The following CERS6 variants were observed in gnomAD, a reference collection of about 807,000 sequenced individuals.
The protein encoded by CERS6 is LAG1 homolog, ceramide synthase 6.
Under a neutral mutation model 56.8 loss-of-function variants are expected in CERS6, and 26 were observed. That is an observed-to-expected ratio of 0.46 (90% CI 0.34 to 0.63). The LOEUF is 0.63. Ranked by LOEUF, CERS6 falls within the 30% of genes least tolerant of loss-of-function variation. CERS6 has a pLI of 0.01. For missense variants in CERS6, 415 were observed against 467.5 expected (o/e 0.89, Z 1.04); for synonymous variants, 164 against 173.3 (o/e 0.95, Z 0.42).
At position 168,707,784 on chromosome 2, in the gene CERS6, T is replaced by C. The variant is rs546822021; in HGVS notation, c.610-7217T>C. ...CTGTAAATCACCCCAAATATACTTT[T>C]ATTATTTAGCCATTGTCTTAAGACC... is the stretch of plus-strand genomic sequence containing the variant. On this transcript the variant is annotated intron_variant, in intron 6 of 9. Coordinates refer to ENST00000305747, the MANE Select transcript of CERS6 (RefSeq NM_203463.3). 2.5e-3 allele frequency among the ~76,000 whole-genome samples: 381 copies of C among 152,282 alleles called. 1 individual carries two copies. The highest frequency in any genetic ancestry group is 8.6e-3 in the African/African-American group (357 of 41,562).
At chr2:168,606,985 T>C (rs537778038) in intron 3 of CERS6, among the ~76,000 whole-genome samples, 35 of 152,354 alleles carry the variant, frequency 2.3e-4, no homozygotes, top group Non-Finnish European at 1.5e-5. Flanking sequence ...AAGCAGATGC[T>C]GCTGTGGTTC....
chr2:168,699,417 G>C (rs1054146468), intron 6 of CERS6, among the ~76,000 whole-genome samples: 3 of 152,146 alleles, frequency 2.0e-5, no homozygotes, highest in Non-Finnish European at 4.4e-5. Flanking sequence ...AAATAACAAT[G>C]AGTGTCAATG....
chr2:168,706,484 G>GT (rs57658109), intron 6 of CERS6, among the ~76,000 whole-genome samples: 1,873 of 152,280 alleles, frequency 0.012, 29 homozygotes, highest in African/African-American at 0.042. Context: ...AAGCCATAAA[G>GT]TAATGGCACA....
At chr2:168,510,460 T>TCCTA (rs1380792264) in intron 1 of CERS6, among the ~76,000 whole-genome samples, 6 of 152,204 alleles carry the variant, frequency 3.9e-5, no homozygotes, top group Non-Finnish European at 7.3e-5. Flanking sequence ...CAGATTTGTG[T>TCCTA]CCTAGGAGTA....
intron 8 of CERS6, among the ~76,000 whole-genome samples, chr2:168,738,835 G>A (rs1320516265): frequency 1.3e-5 from 2 of 152,140 alleles, no homozygotes; most frequent in African/African-American, 4.8e-5. Context: ...CAGACAGCCA[G>A]AAGTGGTAAA....
At chr2:168,597,918 A>G (rs1357684438) in intron 3 of CERS6, among the ~76,000 whole-genome samples, 1 of 152,146 alleles carries the variant, frequency 6.6e-6, no homozygotes, top group Non-Finnish European at 1.5e-5. Flanking sequence ...GAATCCATGT[A>G]AGAAGTTATT....
At chr2:168,685,114 C>A (rs911157985) in intron 4 of CERS6, among the ~76,000 whole-genome samples, 5 of 152,150 alleles carry the variant, frequency 3.3e-5, no homozygotes, top group African/African-American at 1.2e-4. Flanking sequence ...CTCCTAGTTG[C>A]ATCAGCTGGG....
chr2:168,763,561 C>T (rs1014260156), intron 8 of CERS6, among the ~76,000 whole-genome samples: 93 of 152,254 alleles, frequency 6.1e-4, no homozygotes, highest in African/African-American at 2.2e-3. Context: ...CGTGCCTGGC[C>T]TGTTTTTTTC....
At chr2:168,513,923 C>T (rs1330121929) in intron 1 of CERS6, among the ~76,000 whole-genome samples, 1 of 152,124 alleles carries the variant, frequency 6.6e-6, no homozygotes, top group Non-Finnish European at 1.5e-5. Flanking sequence ...CTCAGCTTTG[C>T]CTTCTCTTCG....
At chr2:168,663,675 T>A (rs936632869) in intron 4 of CERS6, among the ~76,000 whole-genome samples, 2 of 152,208 alleles carry the variant, frequency 1.3e-5, no homozygotes, top group African/African-American at 4.8e-5. Flanking sequence ...TTTCACTTAT[T>A]ATATGGTATT....
chr2:168,614,867 A>G (rs547613535), intron 3 of CERS6, among the ~76,000 whole-genome samples: 1 of 152,112 alleles, frequency 6.6e-6, no homozygotes, highest in South Asian at 2.1e-4. Context: ...CTATATTACC[A>G]CAGCTGATGC....
chr2:168,591,791 A>G (rs1482942039), intron 3 of CERS6, among the ~76,000 whole-genome samples: 1 of 152,238 alleles, frequency 6.6e-6, no homozygotes, highest in East Asian at 1.9e-4. Context: ...TCTGAGGAGT[A>G]TAATTCAAAA....
At chr2:168,502,571 A>G (rs547983468) in intron 1 of CERS6, among the ~76,000 whole-genome samples, 12 of 152,298 alleles carry the variant, frequency 7.9e-5, no homozygotes, top group African/African-American at 2.9e-4. Context: ...AGGAGTCTGA[A>G]AGGCATCCAA....
chr2:168,531,403 T>C (rs776854599), intron 1 of CERS6, among the ~76,000 whole-genome samples: 4 of 152,198 alleles, frequency 2.6e-5, no homozygotes, highest in Non-Finnish European at 5.9e-5. Context: ...TTGAATGCTC[T>C]CTCTAGAGAA....
At chr2:168,537,222 C>G (rs1695280208) in intron 1 of CERS6, among the ~76,000 whole-genome samples, 1 of 152,128 alleles carries the variant, frequency 6.6e-6, no homozygotes, top group Non-Finnish European at 1.5e-5. Flanking sequence ...AGGGCTGATA[C>G]ATAATAGATG....
intron 6 of CERS6, among the ~76,000 whole-genome samples, chr2:168,709,812 C>G (rs1038374057): frequency 4.6e-5 from 7 of 152,154 alleles, no homozygotes; most frequent in African/African-American, 1.4e-4. Flanking sequence ...TTGATAAAAT[C>G]CAAATTGGCA....
intron 1 of CERS6, among the ~76,000 whole-genome samples, chr2:168,506,850 A>G (rs1204060073): frequency 6.6e-6 from 1 of 152,184 alleles, no homozygotes; most frequent in African/African-American, 2.4e-5. Context: ...TTTCATATTG[A>G]TATCCTTCTC....
intron 6 of CERS6, among the ~76,000 whole-genome samples, chr2:168,706,553 T>A (rs764435733): frequency 1.3e-5 from 2 of 152,236 alleles, no homozygotes; most frequent in Non-Finnish European, 2.9e-5. Flanking sequence ...TAAAAGCTTG[T>A]GAAGTCTCCT....
chr2:168,610,698 C>T (rs1006873587), intron 3 of CERS6, among the ~76,000 whole-genome samples: 22 of 152,218 alleles, frequency 1.4e-4, no homozygotes, highest in Admixed American at 1.4e-3. Context: ...TCCCACCCAT[C>T]TCTGCCACAT....
Sources: gnomAD v4.1 joint callset for allele counts (sites outside exome capture counted in the v4.1 genomes callset) on GRCh38, gnomAD v4.1.1 for gene constraint, MANE v1.5 for transcripts, NCBI Gene and HGNC (gene_info 2026-07-23, HGNC 2026-07-21) for gene names.